GLYAT: variants seen among roughly 807,000 people sequenced by gnomAD.
GLYAT encodes the protein glycine N-acyltransferase.
GLYAT carries 25 observed loss-of-function variants against 22.8 expected under a neutral mutation model. The ratio of observed to expected loss-of-function variants is 1.09; its 90% confidence interval spans 0.80 to 1.53. GLYAT has a LOEUF of 1.53. Ranked by LOEUF, GLYAT falls within the 40% of genes most tolerant of loss-of-function variation. GLYAT has a pLI of 0.00. For missense variants in GLYAT, 411 were observed against 353.9 expected (o/e 1.16, Z -1.29); for synonymous variants, 140 against 122.7 (o/e 1.14, Z -0.93).
rs200165614 is a variant in GLYAT, at chr11:58,709,906, C to A, written c.751G>T (p.Ala251Ser). The change falls in exon 6 of 6, where the codon GCC becomes TCC. Residue 251 changes from alanine to serine, a missense_variant. Physicochemically the swap from Ala to Ser is moderately conservative, Grantham distance 99. Coordinates refer to ENST00000344743, the MANE Select transcript of GLYAT (RefSeq NM_201648.3). ...AACCCAAGTTTGCCCAATTTCTGGG[C>A]GTGGGAATAGATGACATACGTCACA... ...GLVTYVIYSH[A>S]QKLGKLGFPV... 12 of 1,614,076 alleles carry A rather than the reference C, an allele frequency of 7.4e-6. No individual in the cohort carries two copies. The South Asian group carries it at 1.3e-4, about 18-fold the overall frequency.
At chr11:58,710,535 T>C in intron 5 of GLYAT, 55 bp downstream of exon 5, 1 of 1,301,864 alleles carries the variant, frequency 7.7e-7, no homozygotes, top group Admixed American at 1.7e-5. Flanking sequence ...GGGAGAGAAG[T>C]TGGGAGGTTA....
At chr11:58,726,970 C>T (rs934243067) in intron 1 of GLYAT, among the ~76,000 whole-genome samples, 1 of 152,018 alleles carries the variant, frequency 6.6e-6, no homozygotes, top group East Asian at 1.9e-4. Context: ...GAAGAATTTC[C>T]CCTCCCCTTA....
chr11:58,729,314 C>T (rs556136468), intron 1 of GLYAT, among the ~76,000 whole-genome samples: 4 of 152,258 alleles, frequency 2.6e-5, no homozygotes, highest in Admixed American at 6.5e-5. Flanking sequence ...CTCTTACGTC[C>T]GTCTGAATAA....
rs553943968 is a variant in GLYAT, at chr11:58,724,285, G to A, written c.81+131C>T. 7.3e-6 allele frequency: 4 copies of A among 545,218 alleles called. No homozygotes were observed. The South Asian group carries it at 8.1e-5, about 11-fold the overall frequency. The allele number at this position is 545,218 out of a possible 1,614,324, so 33.8% of individuals were successfully genotyped here. A position where few individuals can be genotyped will look rare whatever the true frequency, so the allele number is the denominator to read the frequency against. On this transcript the variant is annotated intron_variant, in intron 2 of 5. Transcript: ENST00000344743. ...AGTAAACATCTTGTAGAGAGGTAAGGCATACTAAATGAGAGAAAACATGAA... is the reference window on the plus strand; with the variant it reads ...AGTAAACATCTTGTAGAGAGGTAAGACATACTAAATGAGAGAAAACATGAA...
intron 1 of GLYAT, among the ~76,000 whole-genome samples, chr11:58,731,309 C>T (rs1055805557): frequency 6.6e-6 from 1 of 152,160 alleles, no homozygotes; most frequent in East Asian, 1.9e-4. Context: ...CATCCACCTG[C>T]TTCCAAGAAG....
intron 2 of GLYAT, among the ~76,000 whole-genome samples, chr11:58,719,653 T>G (rs1255165088): frequency 6.6e-6 from 1 of 151,988 alleles, no homozygotes; most frequent in Non-Finnish European, 1.5e-5. Flanking sequence ...TTGATTGGCA[T>G]TTTCTACAGG....
At chr11:58,714,593 C>T (rs1025789253) in intron 3 of GLYAT, among the ~76,000 whole-genome samples, 1 of 152,106 alleles carries the variant, frequency 6.6e-6, no homozygotes, top group Admixed American at 6.6e-5. Context: ...ATGAGAGGGA[C>T]CAGATGGAGA....
At chr11:58,731,493 C>T (rs942207030) in intron 1 of GLYAT, among the ~76,000 whole-genome samples, 12 of 152,144 alleles carry the variant, frequency 7.9e-5, no homozygotes, top group East Asian at 5.8e-4. Flanking sequence ...TAACACAATA[C>T]GGGCACTTTA....
chr11:58,723,933 T>C (rs1426837484), intron 2 of GLYAT, among the ~76,000 whole-genome samples: 2 of 152,068 alleles, frequency 1.3e-5, no homozygotes, highest in Non-Finnish European at 2.9e-5. Flanking sequence ...TACATTAAAA[T>C]AGAAATTGAT....
At position 58,717,175 on chromosome 11, in the gene GLYAT, C is replaced by T. The variant is rs560913446; in HGVS notation, c.82-1752G>A. 1.2e-3 allele frequency among the ~76,000 whole-genome samples: 190 copies of T among 152,124 alleles called. 2 individuals are homozygous for T. The highest frequency in any genetic ancestry group is 4.4e-3 in the African/African-American group (181 of 41,514). Reference sequence around the variant, plus strand: ...ATGCCCCCCATCCTTTTTGTAAAATCTTTTGGAGAAAGCATTTAACAATAA... The same window carrying T: ...ATGCCCCCCATCCTTTTTGTAAAATTTTTTGGAGAAAGCATTTAACAATAA... On this transcript the variant is annotated intron_variant, in intron 2 of 5. Coordinates refer to ENST00000344743, the MANE Select transcript of GLYAT (RefSeq NM_201648.3).
At chr11:58,720,377 G>T (rs1856734885) in intron 2 of GLYAT, among the ~76,000 whole-genome samples, 1 of 151,754 alleles carries the variant, frequency 6.6e-6, no homozygotes, top group South Asian at 2.1e-4. Context: ...TGTTTACCTG[G>T]ATTATTTATG....
At position 58,710,008 on chromosome 11, in the gene GLYAT, C is replaced by G. The variant is rs147885245; in HGVS notation, c.649G>C (p.Val217Leu). Residue 217 changes from valine to leucine, a missense_variant, in exon 6 of 6, where the codon GTG becomes CTG. By Grantham distance (32) the Val-to-Leu change is conservative. Coordinates refer to ENST00000344743, the MANE Select transcript of GLYAT (RefSeq NM_201648.3). Reference sequence around the variant, plus strand: ...GTCTGGTCCATTAGATCCCAGCACACAGGGGTCCCCTCAGGCCCCAGGAGA... The same window carrying G: ...GTCTGGTCCATTAGATCCCAGCACAGAGGGGTCCCCTCAGGCCCCAGGAGA... ...CCLLGPEGTP[V>L]CWDLMDQTGE... The G allele has an allele frequency of 6.4e-5, 104 of 1,614,130 alleles. No homozygotes were observed. The African/African-American group carries it at 7.2e-4, about 11-fold the overall frequency.
intron 3 of GLYAT, 91 bp from the exon 4 acceptor site, chr11:58,712,977 T>C: frequency 1.3e-6 from 1 of 788,232 alleles, no homozygotes; most frequent in Non-Finnish European, 2.0e-6. Context: ...AGTAATAAAA[T>C]ATTGGTAGTT....
intron 2 of GLYAT, among the ~76,000 whole-genome samples, chr11:58,716,265 T>C (rs1468447800): frequency 1.3e-5 from 2 of 152,078 alleles, no homozygotes; most frequent in African/African-American, 4.8e-5. Flanking sequence ...CTCGTGACCA[T>C]TGTGAACATG....
chr11:58,715,959 G>A (rs1276710385), intron 2 of GLYAT, among the ~76,000 whole-genome samples: 1 of 152,092 alleles, frequency 6.6e-6, no homozygotes, highest in Non-Finnish European at 1.5e-5. Flanking sequence ...CTGGTTTAAA[G>A]GCTATATACA....
chr11:58,729,894 G>A (rs1856854294), intron 1 of GLYAT, among the ~76,000 whole-genome samples: 1 of 152,118 alleles, frequency 6.6e-6, no homozygotes, highest in South Asian at 2.1e-4. Context: ...AGAGCTTAAT[G>A]TCAAGTCTGT....
intron 1 of GLYAT, among the ~76,000 whole-genome samples, chr11:58,728,397 C>G (rs539721170): frequency 6.6e-6 from 1 of 151,974 alleles, no homozygotes; most frequent in Non-Finnish European, 1.5e-5. Context: ...GGCTCTAAAA[C>G]TTGCCTTGGT....
At chr11:58,729,933 G>T (rs903317115) in intron 1 of GLYAT, among the ~76,000 whole-genome samples, 10 of 152,126 alleles carry the variant, frequency 6.6e-5, no homozygotes, top group Admixed American at 3.3e-4. Flanking sequence ...ATTTTCTGAA[G>T]AGTAGAGTTT....
chr11:58,712,912 A>G (rs749907789), intron 3 of GLYAT, 26 bp from the exon 4 acceptor site: 1 of 1,481,294 alleles, frequency 6.8e-7, no homozygotes, highest in Non-Finnish European at 9.4e-7. Context: ...AAAAGGAAAT[A>G]AAACACATCC....
Sources: allele counts gnomAD v4.1 joint callset (sites outside exome capture counted in the v4.1 genomes callset), GRCh38; gene constraint gnomAD v4.1.1; transcripts MANE v1.5; gene names NCBI Gene and HGNC (gene_info 2026-07-23, HGNC 2026-07-21).